MTAP: variants seen among roughly 807,000 people sequenced by gnomAD.
The protein encoded by MTAP is S-methyl-5'-thioadenosine phosphorylase.
MTAP carries 33 observed loss-of-function variants against 33.6 expected under a neutral mutation model. The observed-to-expected ratio is 0.98, with a 90% CI of 0.74 to 1.31. MTAP has a LOEUF of 1.31. Among genes scored for constraint, MTAP ranks in the 40% most tolerant of loss-of-function variants. The probability of loss-of-function intolerance (pLI) is 0.00; values close to 1 mark genes in which losing one functional copy is unlikely to be tolerated. For missense variants in MTAP, 367 were observed against 360.0 expected (o/e 1.02, Z -0.16); for synonymous variants, 148 against 125.7 (o/e 1.18, Z -1.19).
At chr9:21,927,629 GC>G (rs1818890228) in intron 1 of MTAP, among the ~76,000 whole-genome samples, 2 of 152,306 alleles carry the variant, frequency 1.3e-5, no homozygotes, top group Non-Finnish European at 2.9e-5. Context: ...GATAGGATTG[GC>G]TTTGTCAAGA....
downstream of MTAP, chr9:21,933,901 T>G (rs1243141990): frequency 6.6e-6 from 1 of 152,204 alleles, no homozygotes; most frequent in East Asian, 1.9e-4. Flanking sequence ...TTATACAAAT[T>G]AAGTATTTTT....
intron 5 of MTAP, among the ~76,000 whole-genome samples, chr9:21,840,289 A>G (rs1825212138): frequency 6.6e-6 from 1 of 152,182 alleles, no homozygotes; most frequent in Non-Finnish European, 1.5e-5. Flanking sequence ...ACAGAATAGC[A>G]TATGGAGACA....
At chr9:21,901,153 T>C (rs541134647) in intron 1 of MTAP, among the ~76,000 whole-genome samples, 8 of 152,104 alleles carry the variant, frequency 5.3e-5, no homozygotes, top group Admixed American at 4.6e-4. Flanking sequence ...TGCACAGGCA[T>C]CCCTAAAACA....
intron 4 of MTAP, among the ~76,000 whole-genome samples, chr9:21,829,449 A>G (rs1374652641): frequency 6.8e-6 from 1 of 147,960 alleles, no homozygotes; most frequent in Non-Finnish European, 1.5e-5. Context: ...TTTTTTTGAG[A>G]CAGTCCCACT....
At chr9:21,827,030 C>A (rs1824837317) in intron 4 of MTAP, among the ~76,000 whole-genome samples, 1 of 152,194 alleles carries the variant, frequency 6.6e-6, no homozygotes, top group African/African-American at 2.4e-5. Context: ...GAAACCATCC[C>A]CTCTGACCCT....
At chr9:21,903,807 G>T (rs1010181220) in intron 1 of MTAP, among the ~76,000 whole-genome samples, 1 of 152,166 alleles carries the variant, frequency 6.6e-6, no homozygotes, top group Non-Finnish European at 1.5e-5. Context: ...GTGTCTAGGG[G>T]TGAATATTTA....
At chr9:21,879,666 G>T (rs1001504225) in intron 1 of MTAP, among the ~76,000 whole-genome samples, 4 of 152,012 alleles carry the variant, frequency 2.6e-5, no homozygotes, top group African/African-American at 9.7e-5. Flanking sequence ...ATGTGTTTTT[G>T]TAATGGTCTT....
chr9:21,894,945 A>G (rs1818264924), intron 1 of MTAP, among the ~76,000 whole-genome samples: 2 of 152,296 alleles, frequency 1.3e-5, no homozygotes, highest in South Asian at 4.1e-4. Flanking sequence ...GAAAAGAATA[A>G]AATACCTAGT....
At chr9:21,929,773 A>T in intron 1 of MTAP, 1 of 217,148 alleles carries the variant, frequency 4.6e-6, no homozygotes, top group Admixed American at 4.9e-5. Context: ...TCCACAAGGC[A>T]CCTCTCATTT....
chr9:21,889,436 G>C (rs1243182825), intron 1 of MTAP, among the ~76,000 whole-genome samples: 3 of 151,978 alleles, frequency 2.0e-5, no homozygotes, highest in Admixed American at 6.6e-5. Context: ...GATCTAGTGT[G>C]ATCTTTTGGG....
chr9:21,824,093 T>G (rs1167550360), intron 4 of MTAP, among the ~76,000 whole-genome samples: 1 of 152,244 alleles, frequency 6.6e-6, no homozygotes, highest in Admixed American at 6.5e-5. Flanking sequence ...GTCTGAAGCC[T>G]TCTCTCAACT....
chr9:21,802,989 C>CACAA (rs1824097113), intron 1 of MTAP: 1 of 426,222 alleles, frequency 2.3e-6, no homozygotes, highest in East Asian at 1.0e-4. Flanking sequence ...ACCGCCAACA[C>CACAA]ACACACACAC....
intron 1 of MTAP, among the ~76,000 whole-genome samples, chr9:21,874,748 G>A (rs541740748): frequency 1.3e-5 from 2 of 149,682 alleles, no homozygotes; most frequent in African/African-American, 4.9e-5. Context: ...TGCAGAACAT[G>A]CAGGTTTGTT....
At chr9:21,936,702 A>T (rs1819045305) in exon 8 of MTAP, 1 of 152,190 alleles carries the variant, frequency 6.6e-6, no homozygotes, top group African/African-American at 2.4e-5. Context: ...AATACCCCAT[A>T]ACCGTTCACA....
intron 1 of MTAP, among the ~76,000 whole-genome samples, chr9:21,897,202 C>T (rs1587282548): frequency 1.3e-5 from 2 of 152,224 alleles, no homozygotes; most frequent in South Asian, 4.1e-4. Flanking sequence ...AAAAACTCTC[C>T]ATAAGCTAGG....
intron 1 of MTAP, among the ~76,000 whole-genome samples, chr9:21,902,400 A>G (rs1818407306): frequency 6.6e-6 from 1 of 152,236 alleles, no homozygotes; most frequent in African/African-American, 2.4e-5. Context: ...TGGTATTTTT[A>G]GCTCCTATAA....
At chr9:21,882,354 T>A (rs972618016) in intron 1 of MTAP, among the ~76,000 whole-genome samples, 1 of 151,996 alleles carries the variant, frequency 6.6e-6, no homozygotes, top group Admixed American at 6.6e-5. Context: ...TGCTACAACC[T>A]TTAAAAAGTT....
intron 5 of MTAP, among the ~76,000 whole-genome samples, chr9:21,839,216 T>G (rs1377609598): frequency 2.6e-5 from 4 of 151,584 alleles, no homozygotes; most frequent in Admixed American, 2.0e-4. Flanking sequence ...AGTTTGTATA[T>G]GTATGTATAG....
intron 1 of MTAP, among the ~76,000 whole-genome samples, chr9:21,884,189 A>G (rs1818068431): frequency 6.6e-6 from 1 of 152,178 alleles, no homozygotes; most frequent in South Asian, 2.1e-4. Flanking sequence ...TTAGAGCTGA[A>G]AAGTGATCAA....
Sources: gnomAD v4.1 joint callset for allele counts (sites outside exome capture counted in the v4.1 genomes callset) on GRCh38, gnomAD v4.1.1 for gene constraint, MANE v1.5 for transcripts, NCBI Gene and HGNC (gene_info 2026-07-23, HGNC 2026-07-21) for gene names.